The following HNRNPC variants were observed in gnomAD, a reference collection of about 807,000 sequenced individuals.
The protein encoded by HNRNPC is heterogeneous nuclear ribonucleoprotein C, also known as heterogeneous nuclear ribonucleoproteins C1/C2.
Under a neutral mutation model 33.2 loss-of-function variants are expected in HNRNPC, and 3 were observed. The observed-to-expected ratio is 0.09, with a 90% CI of 0.04 to 0.23. The LOEUF (loss-of-function observed/expected upper bound fraction) is 0.23. Among genes scored for constraint, HNRNPC ranks in the 10% least tolerant of loss-of-function variants. HNRNPC has a pLI of 1.00. For synonymous variants in HNRNPC, 121 were observed against 126.7 expected, an observed-to-expected ratio of 0.96 and a Z score of 0.30; for missense variants, 143 against 366.7, an observed-to-expected ratio of 0.39 and a Z score of 4.98.
At chr14:21,261,095 T>G (rs1878166373) in intron 2 of HNRNPC, among the ~76,000 whole-genome samples, 1 of 152,060 alleles carries the variant, frequency 6.6e-6, no homozygotes, top group African/African-American at 2.4e-5. Flanking sequence ...TCCAATTAGT[T>G]GTGACTACAG....
intron 2 of HNRNPC, among the ~76,000 whole-genome samples, chr14:21,246,954 G>A (rs1284749646): frequency 1.3e-5 from 2 of 152,154 alleles, no homozygotes; most frequent in African/African-American, 2.4e-5. Flanking sequence ...TAAGAATACA[G>A]TATATAATGT....
chr14:21,243,946 T>TAAA (rs1280037353), intron 2 of HNRNPC, among the ~76,000 whole-genome samples: 1 of 149,788 alleles, frequency 6.7e-6, no homozygotes, highest in Admixed American at 6.8e-5. Context: ...GAACAAAACA[T>TAAA]AAAAATGTTG....
chr14:21,217,009 T>C (rs1892262741), intron 5 of HNRNPC, among the ~76,000 whole-genome samples: 1 of 152,206 alleles, frequency 6.6e-6, no homozygotes, highest in African/African-American at 2.4e-5. Flanking sequence ...AAGCAAGTAA[T>C]AGTTCTGTTT....
intron 2 of HNRNPC, among the ~76,000 whole-genome samples, chr14:21,260,859 A>G (rs1456739254): frequency 6.7e-6 from 1 of 149,738 alleles, no homozygotes; most frequent in African/African-American, 2.5e-5. Flanking sequence ...GCTACTCGGG[A>G]GGCTGAGGCA....
chr14:21,257,020 G>A (rs1877339120), intron 2 of HNRNPC, among the ~76,000 whole-genome samples: 1 of 152,056 alleles, frequency 6.6e-6, no homozygotes, highest in South Asian at 2.1e-4. Context: ...CAAAATCTTT[G>A]GCCCAAGAGA....
chr14:21,227,899 C>G (rs1322574991), intron 5 of HNRNPC, among the ~76,000 whole-genome samples: 1 of 152,180 alleles, frequency 6.6e-6, no homozygotes, highest in African/African-American at 2.4e-5. Flanking sequence ...TTAAACTGGT[C>G]TGAATTGAGC....
intron 5 of HNRNPC, among the ~76,000 whole-genome samples, chr14:21,229,474 A>G (rs1893866530): frequency 6.6e-6 from 1 of 152,144 alleles, no homozygotes; most frequent in South Asian, 2.1e-4. Context: ...TATGGCATTC[A>G]AGGCCCTTTA....
At chr14:21,261,126 G>GC (rs1878172124) in intron 2 of HNRNPC, among the ~76,000 whole-genome samples, 1 of 151,958 alleles carries the variant, frequency 6.6e-6, no homozygotes, top group Admixed American at 6.6e-5. Context: ...AGGTACCAAC[G>GC]CCCCCAGCTT....
intron 6 of HNRNPC, 68 bp downstream of exon 6, chr14:21,212,892 T>C (rs1891772859): frequency 6.3e-7 from 1 of 1,576,814 alleles, no homozygotes; most frequent in South Asian, 1.1e-5. Flanking sequence ...AAAAATATTG[T>C]AACTGCATTA....
chr14:21,230,461 A>G, intron 4 of HNRNPC, 95 bp from the exon 5 acceptor site: 1 of 816,294 alleles, frequency 1.2e-6, no homozygotes, highest in South Asian at 1.5e-5. Context: ...AAACCACAAC[A>G]AATAGATCAA....
At chr14:21,228,056 G>A (rs1258896831) in intron 5 of HNRNPC, among the ~76,000 whole-genome samples, 1 of 152,208 alleles carries the variant, frequency 6.6e-6, no homozygotes, top group Non-Finnish European at 1.5e-5. Context: ...CATAAGACCA[G>A]TTGTGTAAGA....
At chr14:21,212,838 C>A in intron 6 of HNRNPC, 122 bp downstream of exon 6, 1 of 1,286,020 alleles carries the variant, frequency 7.8e-7, no homozygotes, top group Non-Finnish European at 1.1e-6. Context: ...CCACCACACA[C>A]CCAGCCTCTT....
intron 5 of HNRNPC, among the ~76,000 whole-genome samples, chr14:21,219,018 G>A (rs191328819): frequency 7.2e-4 from 108 of 149,316 alleles, no homozygotes; most frequent in African/African-American, 2.5e-3. Context: ...GCTAAGGCAG[G>A]AGAATCGCTT....
At chr14:21,248,934 ACAAATTATTT>A (rs1203799696) in intron 2 of HNRNPC, among the ~76,000 whole-genome samples, 1 of 148,598 alleles carries the variant, frequency 6.7e-6, no homozygotes. Flanking sequence ...GACAATGAGT[ACAAATTATTT>A]CAGTGCAGCA....
chr14:21,255,367 G>T (rs1479979194), intron 2 of HNRNPC, among the ~76,000 whole-genome samples: 1 of 152,114 alleles, frequency 6.6e-6, no homozygotes, highest in Admixed American at 6.6e-5. Context: ...TAAAAAAAAA[G>T]TTCTCTAATT....
intron 5 of HNRNPC, among the ~76,000 whole-genome samples, chr14:21,226,822 G>T (rs1251574153): frequency 3.1e-5 from 4 of 128,924 alleles, no homozygotes; most frequent in Non-Finnish European, 6.2e-5. Flanking sequence ...AGAGGTTGCA[G>T]TAAGCCAAGA....
rs531356415 is a variant in HNRNPC at position 21,239,930 on chromosome 14, TTA to T, written c.-36-5703_-36-5702del. Among the ~76,000 whole-genome samples the T allele has an allele frequency of 2.6e-4, 39 of 152,282 alleles. No homozygotes were observed. In the East Asian group the frequency reaches 7.5e-3, roughly 29 times the overall value. On this transcript the variant is annotated intron_variant, in intron 2 of 8. Transcript: ENST00000553300. Reference sequence around the variant, plus strand: ...ATAGTGGTTAGCACTCAAATTTCTATTACACACATGGACAAATGCGTTTGTAT... The same window carrying T: ...ATAGTGGTTAGCACTCAAATTTCTATCACACATGGACAAATGCGTTTGTAT...
rs1288774135 is a variant in HNRNPC, at chr14:21,211,080, T to C, written c.*143A>G. The C allele has an allele frequency of 1.1e-6, 1 of 924,728 alleles. No individual in the cohort carries two copies. The highest frequency in any genetic ancestry group is 1.7e-6 in the Non-Finnish European group (1 of 598,722). 57.3% of individuals were successfully genotyped at this position (924,728 alleles called of 1,614,324 possible). ...CTAGGCGCGGGGCAATATGAATTAA[T>C]GAACATGGGAAGGACAAGGATGGGG... On this transcript the variant is annotated 3_prime_UTR_variant, in exon 9 of 9. Transcript: ENST00000553300.
chr14:21,249,053 A>C (rs1473826008), intron 2 of HNRNPC, among the ~76,000 whole-genome samples: 1 of 152,252 alleles, frequency 6.6e-6, no homozygotes, highest in Non-Finnish European at 1.5e-5. Flanking sequence ...CCAAGGTGAC[A>C]TCTAAGGATG....
Sources: allele counts gnomAD v4.1 joint callset (sites outside exome capture counted in the v4.1 genomes callset), GRCh38; gene constraint gnomAD v4.1.1; transcripts MANE v1.5; gene names NCBI Gene and HGNC (gene_info 2026-07-23, HGNC 2026-07-21).